GAPVD1: variants seen among roughly 807,000 people sequenced by gnomAD.
GAPVD1 encodes the protein GTPase activating protein and VPS9 domains 1, also known as GTPase-activating protein and VPS9 domain-containing protein 1.
In GAPVD1, 35 loss-of-function variants were observed where a neutral mutation model predicts 155.5. The ratio of observed to expected loss-of-function variants is 0.23; its 90% CI spans 0.17 to 0.30. The LOEUF (loss-of-function observed/expected upper bound fraction) is 0.30. GAPVD1 is among the 10% of genes least tolerant of loss of function. The pLI is 1.00. For missense variants in GAPVD1, 1,429 were observed against 1,775.7 expected (o/e 0.80, Z 3.51); for synonymous variants, 636 against 619.7 (o/e 1.03, Z -0.39).
At chr9:125,330,907 CAG>C (rs763259690) in intron 13 of GAPVD1, among the ~76,000 whole-genome samples, 18 of 152,078 alleles carry the variant, frequency 1.2e-4, no homozygotes, top group Non-Finnish European at 2.2e-4. Context: ...AGATTTATCA[CAG>C]GGGAGAACTT....
chr9:125,305,562 G>T (rs1841647325), intron 6 of GAPVD1, among the ~76,000 whole-genome samples: 1 of 152,018 alleles, frequency 6.6e-6, no homozygotes, highest in Non-Finnish European at 1.5e-5. Context: ...GTAGAGACGG[G>T]GTTTCACCTT....
intron 2 of GAPVD1, among the ~76,000 whole-genome samples, chr9:125,277,805 G>A (rs1052167313): frequency 2.0e-5 from 3 of 151,780 alleles, no homozygotes; most frequent in Non-Finnish European, 4.4e-5. Context: ...AAGTACCTGG[G>A]ACTTCAGGTG....
Position 125,330,155 on chromosome 9 carries a change from G to T in GAPVD1, c.2110G>T (p.Gly704Cys). 1 of 1,612,238 alleles carries T rather than the reference G, an allele frequency of 6.2e-7. No homozygotes were observed. The highest frequency in any genetic ancestry group is 1.7e-4 in the Middle Eastern group (1 of 6,060). Residue 704 changes from glycine (G) to cysteine (C), a missense_variant, in exon 13 of 28, where the codon GGT becomes TGT. Transcript: ENST00000297933. The stretch of plus-strand genomic sequence containing the variant: ...GTCAGTGCTTCTTGACCCCTGCACT[G>T]GTTCTACCATATCAGAGACAACAAG... ...SGSVLLDPCT[G>C]STISETTSEA...
At position 125,331,964 on chromosome 9, in the gene GAPVD1, C is replaced by T. The variant is rs1346997960; in HGVS notation, c.2212C>T (p.Leu738=). ...DLKQEERLQE[L]ESCSGLGSTS... is the part of the protein sequence containing the mutation. ...AAAGCAGGAGGAGCGTCTGCAAGAACTGGAGAGCTGTTCTGGACTGGGTAG... is the reference window on the plus strand; with the variant it reads ...AAAGCAGGAGGAGCGTCTGCAAGAATTGGAGAGCTGTTCTGGACTGGGTAG... Residue 738 remains leucine, a synonymous_variant, in exon 14 of 28, where the codon CTG becomes TTG. Transcript: ENST00000297933. 1.2e-6 allele frequency: 2 copies of T among 1,613,866 alleles called. No individual in the cohort carries two copies. Among genetic ancestry groups the T allele is most frequent in the Admixed American group, 1.7e-5 (1 of 59,996 alleles).
At chr9:125,316,426 G>T (rs780412439) in intron 9 of GAPVD1, among the ~76,000 whole-genome samples, 37 of 152,166 alleles carry the variant, frequency 2.4e-4, no homozygotes, top group African/African-American at 8.4e-4. Flanking sequence ...GAGAACATGC[G>T]GTGTTTGGTT....
chr9:125,341,193 A>G lies in GAPVD1; in HGVS notation c.2894A>G (p.Asp965Gly), dbSNP rs1172448099. 6 of 1,598,306 alleles carry G rather than the reference A, an allele frequency of 3.8e-6. No individual in the cohort carries two copies. The highest frequency in any genetic ancestry group is 5.1e-6 in the Non-Finnish European group (6 of 1,165,480). ...SSRGETEERKDSDDEKSDRNR... is the reference protein window; with the variant it reads ...SSRGETEERKGSDDEKSDRNR... The stretch of plus-strand genomic sequence containing the variant: ...TTTCTACAGACTGAAGAACGCAAAG[A>G]TAGCGATGATGAGAAATCAGACAGG... Residue 965 changes from aspartate to glycine, a missense_variant, in exon 18 of 28, where the codon GAT becomes GGT. By Grantham distance (94) the Asp-to-Gly change is moderately conservative. Coordinates refer to ENST00000297933, the MANE Select transcript of GAPVD1 (RefSeq NM_001282680.3).
intron 2 of GAPVD1, among the ~76,000 whole-genome samples, chr9:125,275,084 TAA>T (rs1564263172): frequency 6.6e-6 from 1 of 152,064 alleles, no homozygotes; most frequent in Non-Finnish European, 1.5e-5. Context: ...ATTTTTAAAT[TAA>T]AAAAAATTTT....
intron 6 of GAPVD1, 143 bp from the exon 7 acceptor site, chr9:125,307,268 CAA>C (rs34896429): frequency 0.017 from 7,567 of 440,782 alleles, no homozygotes; most frequent in South Asian, 0.028. Context: ...AACTTTGTCT[CAA>C]AAAAAAAAAA....
At position 125,332,173 on chromosome 9, in the gene GAPVD1, C is replaced by T. The variant is rs944678580; in HGVS notation, c.2308+113C>T. On this transcript the variant is annotated intron_variant, in intron 14 of 27. Transcript: ENST00000297933. The stretch of plus-strand genomic sequence containing the variant: ...GTTATATTTAAGAGCTGAGTAATTT[C>T]CAGAAAACAAACTTATTTCCATTGC... 26 of 1,062,836 alleles carry T rather than the reference C, an allele frequency of 2.4e-5. No individual in the cohort carries two copies. The South Asian group carries it at 4.2e-4, about 17-fold the overall frequency. 65.8% of individuals were successfully genotyped at this position (1,062,836 alleles called of 1,614,324 possible). A position where few individuals can be genotyped will look rare whatever the true frequency, so the allele number is the denominator to read the frequency against.
At chr9:125,335,369 ATTTT>A in intron 15 of GAPVD1, 1 of 480,850 alleles carries the variant, frequency 2.1e-6, no homozygotes, top group South Asian at 3.9e-5. Flanking sequence ...TACCATTAAA[ATTTT>A]TTCTTTTTTT....
chr9:125,355,459 C>T (rs1158299340), intron 24 of GAPVD1, among the ~76,000 whole-genome samples, 185 bp from the exon 25 acceptor site: 2 of 152,098 alleles, frequency 1.3e-5, no homozygotes, highest in African/African-American at 4.8e-5. Flanking sequence ...ATATTTCTTG[C>T]TTTTTCTCCT....
intron 9 of GAPVD1, among the ~76,000 whole-genome samples, chr9:125,314,725 C>G (rs1843142247): frequency 6.6e-6 from 1 of 151,162 alleles, no homozygotes; most frequent in African/African-American, 2.4e-5. Context: ...TCTTGACTCC[C>G]TAAAGATAGG....
intron 27 of GAPVD1, 39 bp from the exon 28 acceptor site, chr9:125,362,558 GCTATGACAT>G: frequency 6.8e-7 from 1 of 1,464,216 alleles, no homozygotes; most frequent in South Asian, 1.3e-5. Context: ...TTTTGGCAGA[GCTATGACAT>G]CTGAGTAATT....
At chr9:125,283,762 A>G (rs1416040115) in intron 2 of GAPVD1, among the ~76,000 whole-genome samples, 3 of 152,220 alleles carry the variant, frequency 2.0e-5, no homozygotes, top group African/African-American at 7.2e-5. Context: ...TTCTTATCCC[A>G]TAAAAAGTTG....
intron 27 of GAPVD1, among the ~76,000 whole-genome samples, 189 bp downstream of exon 27, chr9:125,360,914 TG>T (rs1365546846): frequency 1.3e-5 from 2 of 152,152 alleles, no homozygotes; most frequent in Non-Finnish European, 2.9e-5. Context: ...CAGGCTGGAG[TG>T]CAGTAGTGTG....
At chr9:125,285,235 C>T (rs1245535244) in intron 2 of GAPVD1, among the ~76,000 whole-genome samples, 1 of 152,076 alleles carries the variant, frequency 6.6e-6, no homozygotes, top group African/African-American at 2.4e-5. Context: ...TTTATTTATA[C>T]AAACAGGCAG....
chr9:125,343,941 T>A (rs1433297431), intron 19 of GAPVD1, among the ~76,000 whole-genome samples: 1 of 152,224 alleles, frequency 6.6e-6, no homozygotes, highest in Admixed American at 6.5e-5. Flanking sequence ...TTATTATGGT[T>A]TGTTTGTTTG....
Position 125,307,415 on chromosome 9 carries a change from C to T in GAPVD1, c.1119C>T (p.Ser373=). The change falls in exon 7 of 28, where the codon AGC becomes AGT. Residue 373 remains serine, a splice_region_variant and synonymous_variant. Transcript: ENST00000297933. The part of the protein sequence containing the change: ...TKSSLGKFDK[S]CVAAFLDVVI... Reference sequence around the variant, plus strand: ...CTGTTTTTTTCCTGTTTTAACAGAGCTGTGTTGCCGCTTTCCTTGATGTTG... The same window carrying T: ...CTGTTTTTTTCCTGTTTTAACAGAGTTGTGTTGCCGCTTTCCTTGATGTTG... 2 of 1,597,196 alleles carry T rather than the reference C, an allele frequency of 1.3e-6. No homozygotes were observed. The highest frequency in any genetic ancestry group is 2.7e-5 in the African/African-American group (2 of 74,000).
At chr9:125,308,228 C>T (rs1842147461) in intron 8 of GAPVD1, 1 of 314,362 alleles carries the variant, frequency 3.2e-6, no homozygotes, top group East Asian at 5.9e-5. Context: ...TGCCTGTGGT[C>T]CCTGCTACTT....
Sources: allele counts gnomAD v4.1 joint callset (sites outside exome capture counted in the v4.1 genomes callset), GRCh38; gene constraint gnomAD v4.1.1; transcripts MANE v1.5; gene names NCBI Gene and HGNC (gene_info 2026-07-23, HGNC 2026-07-21).